The following JMJD1C variants were observed in gnomAD, a reference collection of about 807,000 sequenced individuals.
JMJD1C encodes jumonji domain-containing protein 1C.
JMJD1C carries 31 observed loss-of-function variants against 245.3 expected under a neutral mutation model. That is an observed-to-expected ratio of 0.13 (90% CI 0.09 to 0.17). The LOEUF (loss-of-function observed/expected upper bound fraction) is 0.17, where lower values mean the gene tolerates loss of function less well. Among genes scored for constraint, JMJD1C ranks in the 10% least tolerant of loss-of-function variants. The pLI, the probability that JMJD1C is intolerant of heterozygous loss-of-function variation, is 1.00. For synonymous variants in JMJD1C, 1,057 were observed against 1,017.4 expected, an observed-to-expected ratio of 1.04 and a Z score of -0.74; for missense variants, 2,691 against 3,000.2, an observed-to-expected ratio of 0.90 and a Z score of 2.41.
At chr10:63,314,918 G>A (rs1939745813) in intron 2 of JMJD1C, among the ~76,000 whole-genome samples, 1 of 151,020 alleles carries the variant, frequency 6.6e-6, no homozygotes, top group African/African-American at 2.4e-5. Flanking sequence ...CAAAGTGCTG[G>A]GATTACAGGC....
intron 2 of JMJD1C, among the ~76,000 whole-genome samples, chr10:63,323,579 A>G (rs1343920740): frequency 2.0e-5 from 3 of 152,166 alleles, no homozygotes; most frequent in African/African-American, 4.8e-5. Flanking sequence ...TTATAAAACA[A>G]TGTTATCCAT....
At chr10:63,427,724 T>TC in intron 1 of JMJD1C, 1 of 1,360,486 alleles carries the variant, frequency 7.4e-7, no homozygotes, top group Non-Finnish European at 1.0e-6. Context: ...TCCAGAAGTG[T>TC]CCAGGAATTT....
chr10:63,516,951 A>G (rs1022193563), intron 1 of JMJD1C, among the ~76,000 whole-genome samples: 1 of 152,338 alleles, frequency 6.6e-6, no homozygotes, highest in South Asian at 2.1e-4. Flanking sequence ...GAGAGAAAAG[A>G]GGTATCCATC....
intron 2 of JMJD1C, among the ~76,000 whole-genome samples, chr10:63,347,980 A>G (rs543822926): frequency 2.0e-5 from 3 of 152,300 alleles, no homozygotes; most frequent in African/African-American, 7.2e-5. Flanking sequence ...TGGAAGGCTA[A>G]GGCAGGCAGA....
At chr10:63,204,478 A>C in intron 10 of JMJD1C, 1 of 985,196 alleles carries the variant, frequency 1.0e-6, no homozygotes, top group Non-Finnish European at 1.2e-6. Flanking sequence ...TAAAACCTGG[A>C]AGGTACCTAT....
At chr10:63,354,055 G>A (rs61853560) in intron 2 of JMJD1C, among the ~76,000 whole-genome samples, 1,981 of 152,148 alleles carry the variant, frequency 0.013, 24 homozygotes, top group Middle Eastern at 0.034. Context: ...TGGCCAGGAT[G>A]GTCTTGATCT....
At chr10:63,187,732 C>T (rs1440052175) in intron 18 of JMJD1C, among the ~76,000 whole-genome samples, 3 of 152,214 alleles carry the variant, frequency 2.0e-5, no homozygotes, top group Non-Finnish European at 4.4e-5. Context: ...AGAGCCACAG[C>T]ACCAGGCCTG....
intron 1 of JMJD1C, among the ~76,000 whole-genome samples, chr10:63,443,002 T>G (rs1475830487): frequency 3.9e-5 from 6 of 152,220 alleles, no homozygotes; most frequent in Non-Finnish European, 7.3e-5. Context: ...CTGCCATTAC[T>G]TCATACACCA....
At chr10:63,421,420 G>A (rs1295784969) in intron 1 of JMJD1C, among the ~76,000 whole-genome samples, 4 of 152,196 alleles carry the variant, frequency 2.6e-5, no homozygotes, top group African/African-American at 9.6e-5. Context: ...TTATCTCTAG[G>A]TAGAAGAAGA....
At chr10:63,472,827 AG>A (rs1439433360) in intron 1 of JMJD1C, among the ~76,000 whole-genome samples, 4 of 152,148 alleles carry the variant, frequency 2.6e-5, no homozygotes, top group African/African-American at 7.2e-5. Context: ...CTCTGTTGCC[AG>A]GCTGGAGTGC....
chr10:63,498,008 G>C (rs1350293440), intron 1 of JMJD1C, among the ~76,000 whole-genome samples: 1 of 152,194 alleles, frequency 6.6e-6, no homozygotes, highest in Non-Finnish European at 1.5e-5. Flanking sequence ...GTTGTGCAGT[G>C]AAGTTATACT....
intron 1 of JMJD1C, among the ~76,000 whole-genome samples, chr10:63,515,980 T>C (rs1955005966): frequency 6.6e-6 from 1 of 152,190 alleles, no homozygotes. Flanking sequence ...TTATGGTTTC[T>C]GATTTTACGA....
chr10:63,521,211 T>A (rs2133319764), intron 1 of JMJD1C, among the ~76,000 whole-genome samples: 1 of 151,870 alleles, frequency 6.6e-6, no homozygotes, highest in African/African-American at 2.4e-5. Context: ...CGGGCTAGGA[T>A]CCCGCCAGCC....
chr10:63,474,771 G>C (rs1384087438), intron 1 of JMJD1C, among the ~76,000 whole-genome samples: 1 of 151,316 alleles, frequency 6.6e-6, no homozygotes, highest in African/African-American at 2.4e-5. Flanking sequence ...GTTAAACAGA[G>C]CAAAATAAAA....
At chr10:63,329,520 G>A (rs535296927) in intron 2 of JMJD1C, among the ~76,000 whole-genome samples, 9 of 147,876 alleles carry the variant, frequency 6.1e-5, no homozygotes, top group African/African-American at 9.9e-5. Flanking sequence ...AGTCAACTGC[G>A]GGGCCAACAC....
chr10:63,254,189 A>AC (rs1564689279), intron 3 of JMJD1C, among the ~76,000 whole-genome samples: 5 of 151,812 alleles, frequency 3.3e-5, no homozygotes, highest in East Asian at 3.9e-4. Flanking sequence ...GCACAACCAA[A>AC]AAAACAAACA....
intron 1 of JMJD1C, among the ~76,000 whole-genome samples, chr10:63,450,453 T>C (rs981870705): frequency 2.0e-5 from 3 of 151,948 alleles, no homozygotes; most frequent in African/African-American, 7.2e-5. Flanking sequence ...ATCATGTCTC[T>C]TAAAAAGAGA....
At chr10:63,343,635 G>A (rs1361829211) in intron 2 of JMJD1C, among the ~76,000 whole-genome samples, 2 of 151,982 alleles carry the variant, frequency 1.3e-5, no homozygotes, top group Non-Finnish European at 2.9e-5. Context: ...AGTCAACAAC[G>A]GACCACATAT....
chr10:63,387,629 A>ATTTTTTTTTTTTTTTTTTTTTTTTTT lies in JMJD1C; in HGVS notation c.169-7148_169-7147insAAAAAAAAAAAAAAAAAAAAAAAAAA, dbSNP rs71025169. Among the ~76,000 whole-genome samples the ATTTTTTTTTTTTTTTTTTTTTTTTTT allele has an allele frequency of 2.9e-4, 11 of 37,866 alleles. 1 individual carries two copies. Among genetic ancestry groups the ATTTTTTTTTTTTTTTTTTTTTTTTTT allele is most frequent in the African/African-American group, 9.6e-4 (8 of 8,304 alleles). 24.8% of individuals were successfully genotyped at this position (37,866 alleles called of 152,430 possible). ...AGTCAGAAGAAAAAAGAAAAAAAAA[A>ATTTTTTTTTTTTTTTTTTTTTTTTTT]TTTTTTTTTTTTTTTTTTTTTTTTG... On this transcript the variant is annotated intron_variant, in intron 1 of 25. Transcript: ENST00000399262.
Sources: allele counts gnomAD v4.1 joint callset (sites outside exome capture counted in the v4.1 genomes callset), GRCh38; gene constraint gnomAD v4.1.1; transcripts MANE v1.5; gene names NCBI Gene and HGNC (gene_info 2026-07-23, HGNC 2026-07-21).